Variants in AGTPBP1 observed in about 807,000 individuals in gnomAD.
AGTPBP1 encodes ATP/GTP binding carboxypeptidase 1, also known as cytosolic carboxypeptidase 1.
In AGTPBP1, 70 loss-of-function variants were observed where a neutral mutation model predicts 143.9. The ratio of observed to expected loss-of-function variants is 0.49; its 90% CI spans 0.40 to 0.59. The LOEUF is 0.59. Ranked by LOEUF, AGTPBP1 falls within the 20% of genes least tolerant of loss-of-function variation. The pLI is 0.00. For missense variants in AGTPBP1, 1,229 were observed against 1,464.5 expected (o/e 0.84, Z 2.62); for synonymous variants, 463 against 500.2 (o/e 0.93, Z 0.99).
intron 2 of AGTPBP1, among the ~76,000 whole-genome samples, chr9:85,710,629 T>C (rs564199185): frequency 6.6e-6 from 1 of 152,210 alleles, no homozygotes; most frequent in African/African-American, 2.4e-5. Context: ...GAAATTATAA[T>C]TTCCTTTAGA....
At chr9:85,642,619 A>G (rs974282305) in intron 13 of AGTPBP1, among the ~76,000 whole-genome samples, 1 of 152,082 alleles carries the variant, frequency 6.6e-6, no homozygotes, top group Admixed American at 6.5e-5. Context: ...GGTGTGAGCC[A>G]CCACGCCCGG....
At chr9:85,607,444 T>C (rs1258388161) in intron 17 of AGTPBP1, among the ~76,000 whole-genome samples, 1 of 152,080 alleles carries the variant, frequency 6.6e-6, no homozygotes, top group Non-Finnish European at 1.5e-5. Flanking sequence ...CAAGAATCAA[T>C]CAAATGAGGT....
chr9:85,759,839 T>C, the AGTPBP1 span, among the ~76,000 whole-genome samples: 94,747 of 151,946 alleles, frequency 0.62, 30,086 homozygotes, highest in Middle Eastern at 0.73. Flanking sequence ...AGGAGCTGGT[T>C]TTTTGAGATC....
chr9:85,741,051 A>G (rs1237675130), intron 1 of AGTPBP1, among the ~76,000 whole-genome samples: 1 of 152,194 alleles, frequency 6.6e-6, no homozygotes, highest in African/African-American at 2.4e-5. Context: ...AGAGTCGAGC[A>G]AGCCTTTGGG....
At chr9:85,640,345 T>A (rs888384740) in intron 13 of AGTPBP1, among the ~76,000 whole-genome samples, 16 of 152,224 alleles carry the variant, frequency 1.1e-4, no homozygotes, top group African/African-American at 3.9e-4. Flanking sequence ...AGAAATAATT[T>A]TCTGATTATG....
chr9:85,612,814 G>C (rs1207836754), intron 17 of AGTPBP1, among the ~76,000 whole-genome samples: 1 of 151,964 alleles, frequency 6.6e-6, no homozygotes, highest in East Asian at 1.9e-4. Flanking sequence ...AATGTGTGGA[G>C]AAAATAATCC....
intron 25 of AGTPBP1, among the ~76,000 whole-genome samples, chr9:85,551,207 T>C (rs1826021049): frequency 6.6e-6 from 1 of 152,170 alleles, no homozygotes; most frequent in Non-Finnish European, 1.5e-5. Context: ...CTTTTCTTCA[T>C]AAATTACCCG....
intron 25 of AGTPBP1, among the ~76,000 whole-genome samples, chr9:85,556,377 T>C (rs1826341923): frequency 6.6e-6 from 1 of 151,646 alleles, no homozygotes; most frequent in African/African-American, 2.4e-5. Flanking sequence ...AGAGACAAAA[T>C]TGGAATAACA....
intron 23 of AGTPBP1, among the ~76,000 whole-genome samples, chr9:85,580,703 C>G (rs1828202912): frequency 6.6e-6 from 1 of 152,098 alleles, no homozygotes; most frequent in Admixed American, 6.5e-5. Context: ...TTTGTACAAT[C>G]TTTATGAAGG....
upstream of AGTPBP1, among the ~76,000 whole-genome samples, chr9:85,744,687 G>T (rs1319840810): frequency 2.0e-5 from 3 of 152,174 alleles, no homozygotes; most frequent in African/African-American, 7.2e-5. Flanking sequence ...GCAAATTCCT[G>T]GTGGCTCCAC....
chr9:85,549,134 A>G (rs1330888160), intron 25 of AGTPBP1, among the ~76,000 whole-genome samples: 5 of 152,232 alleles, frequency 3.3e-5, no homozygotes, highest in African/African-American at 9.6e-5. Context: ...GAGGGAAGGG[A>G]GAAAAGACAA....
intron 1 of AGTPBP1, among the ~76,000 whole-genome samples, chr9:85,731,147 C>G (rs987200567): frequency 1.3e-5 from 2 of 152,138 alleles, no homozygotes; most frequent in Non-Finnish European, 2.9e-5. Flanking sequence ...TCATGCATAG[C>G]CAGGGTCAAG....
intron 14 of AGTPBP1, 104 bp downstream of exon 14, chr9:85,632,558 A>G: frequency 1.0e-6 from 1 of 995,808 alleles, no homozygotes. Context: ...GTAACTTATA[A>G]CTCACAGTAA....
chr9:85,788,633 TACACTTGTATATAA>T, the AGTPBP1 span, among the ~76,000 whole-genome samples: 2 of 149,644 alleles, frequency 1.3e-5, no homozygotes, highest in Non-Finnish European at 3.0e-5. Context: ...TTATAATATA[TACACTTGTATATAA>T]ACACTTGTAT....
intron 23 of AGTPBP1, among the ~76,000 whole-genome samples, chr9:85,579,536 T>A (rs1162755556): frequency 6.6e-6 from 1 of 151,548 alleles, no homozygotes; most frequent in African/African-American, 2.4e-5. Flanking sequence ...GAAATTATTA[T>A]CAGTTTCACC....
At chr9:85,744,301 T>C (rs1456495330), upstream of AGTPBP1, among the ~76,000 whole-genome samples, 2 of 152,188 alleles carry the variant, frequency 1.3e-5, no homozygotes, top group Non-Finnish European at 2.9e-5. Context: ...GTTTTAATAG[T>C]TTTGGAACTC....
Position 85,687,374 on chromosome 9 carries a change from T to C in AGTPBP1, c.157+5315A>G, listed in dbSNP as rs142455388. Reference sequence around the variant, plus strand: ...TGAACAACACTATCAACTAACCTAATTGATACTTATAGAACACTTCACCCA... The same window carrying C: ...TGAACAACACTATCAACTAACCTAACTGATACTTATAGAACACTTCACCCA... On this transcript the variant is annotated intron_variant, in intron 3 of 25. Transcript: ENST00000357081. 1.5e-3 allele frequency among the ~76,000 whole-genome samples: 223 copies of C among 152,292 alleles called. 2 individuals carry two copies. In the East Asian group the frequency reaches 0.023, roughly 16 times the overall value.
intron 2 of AGTPBP1, among the ~76,000 whole-genome samples, chr9:85,706,964 T>C (rs1246273476): frequency 6.6e-6 from 1 of 150,910 alleles, no homozygotes; most frequent in Non-Finnish European, 1.5e-5. Context: ...GCAGACACAA[T>C]ACATGTTGCC....
chr9:85,657,413 T>A lies in AGTPBP1; in HGVS notation c.909+22A>T, dbSNP rs368889576. ...TCATATTATTAGTACATAATCACAATAATAAGAAGAAAATAACTCACTTGC... is the reference window on the plus strand; with the variant it reads ...TCATATTATTAGTACATAATCACAAAAATAAGAAGAAAATAACTCACTTGC... On this transcript the variant is annotated intron_variant, in intron 10 of 25. Transcript: ENST00000357081. The A allele has an allele frequency of 7.0e-6, 11 of 1,577,164 alleles. No individual in the cohort carries two copies. In the African/African-American group the frequency reaches 1.5e-4, roughly 21 times the overall value.
Sources: gnomAD v4.1 joint callset for allele counts (sites outside exome capture counted in the v4.1 genomes callset) on GRCh38, gnomAD v4.1.1 for gene constraint, MANE v1.5 for transcripts, NCBI Gene and HGNC (gene_info 2026-07-23, HGNC 2026-07-21) for gene names.